RAB3C: variants seen among roughly 807,000 people sequenced by gnomAD.
RAB3C encodes RAB3C, member RAS oncogene family.
In RAB3C, 17 loss-of-function variants were observed where a neutral mutation model predicts 26.4. The observed-to-expected ratio is 0.64, with a 90% CI of 0.44 to 0.97. The LOEUF is 0.97. Among genes scored for constraint, RAB3C ranks in the 50% least tolerant of loss-of-function variants. The pLI is 0.00. For synonymous variants in RAB3C, 91 were observed against 95.9 expected (o/e 0.95, Z 0.30); for missense variants, 242 against 281.9 (o/e 0.86, Z 1.01).
At chr5:58,619,864 C>CT (rs36112075) in intron 2 of RAB3C, among the ~76,000 whole-genome samples, 31,412 of 147,642 alleles carry the variant, frequency 0.21, 3,494 homozygotes, top group South Asian at 0.29. Flanking sequence ...ATTCACTCAC[C>CT]TTTTTTTTTT....
chr5:58,796,466 A>C (rs1162585138), intron 3 of RAB3C, among the ~76,000 whole-genome samples: 4 of 152,330 alleles, frequency 2.6e-5, no homozygotes, highest in Non-Finnish European at 5.9e-5. Flanking sequence ...TAATTATTTA[A>C]TACAGAACCT....
chr5:58,596,388 A>T (rs1746249328), intron 1 of RAB3C, among the ~76,000 whole-genome samples: 1 of 146,170 alleles, frequency 6.8e-6, no homozygotes, highest in Non-Finnish European at 1.5e-5. Flanking sequence ...CTCTCTGTCT[A>T]TAAAGATTTT....
intron 3 of RAB3C, among the ~76,000 whole-genome samples, chr5:58,806,339 C>T (rs1000894841): frequency 6.6e-6 from 1 of 152,030 alleles, no homozygotes; most frequent in Non-Finnish European, 1.5e-5. Context: ...TAAATGGTAG[C>T]TATTGTTATT....
intron 2 of RAB3C, among the ~76,000 whole-genome samples, chr5:58,705,597 C>A (rs776420757): frequency 7.9e-5 from 12 of 152,036 alleles, no homozygotes; most frequent in Admixed American, 5.9e-4. Context: ...GAGAAATTTT[C>A]TTTTGAGGGA....
intron 2 of RAB3C, among the ~76,000 whole-genome samples, chr5:58,704,004 C>T (rs569123662): frequency 6.6e-6 from 1 of 152,204 alleles, no homozygotes; most frequent in South Asian, 2.1e-4. Context: ...ATGAAATGAC[C>T]TCTCACAAGT....
At chr5:58,615,640 A>G (rs1561267524) in intron 1 of RAB3C, among the ~76,000 whole-genome samples, 1 of 152,158 alleles carries the variant, frequency 6.6e-6, no homozygotes, top group Admixed American at 6.6e-5. Flanking sequence ...TGGGCCAAAA[A>G]AGAAAGTGAT....
intron 2 of RAB3C, among the ~76,000 whole-genome samples, chr5:58,713,345 T>G (rs955147509): frequency 5.9e-5 from 9 of 152,236 alleles, no homozygotes; most frequent in Non-Finnish European, 1.0e-4. Flanking sequence ...AAATCTGGGC[T>G]TTTGTGTAAA....
intron 1 of RAB3C, among the ~76,000 whole-genome samples, chr5:58,586,160 A>C (rs191657825): frequency 1.1e-4 from 17 of 152,202 alleles, no homozygotes; most frequent in Admixed American, 9.2e-4. Context: ...TATATACTAT[A>C]TAACAATCAT....
chr5:58,744,926 T>C (rs1561307762), intron 3 of RAB3C, among the ~76,000 whole-genome samples: 2 of 152,052 alleles, frequency 1.3e-5, no homozygotes, highest in Non-Finnish European at 2.9e-5. Flanking sequence ...TCAGGGGAAA[T>C]AAGACACGTA....
chr5:58,639,052 C>T (rs1004019171), intron 2 of RAB3C, among the ~76,000 whole-genome samples: 1 of 152,198 alleles, frequency 6.6e-6, no homozygotes, highest in African/African-American at 2.4e-5. Context: ...CACTGCCACT[C>T]TCACACTAAC....
At position 58,682,073 on chromosome 5, in the gene RAB3C, G is replaced by T. The variant is rs1250231189; in HGVS notation, c.253-43929G>T. On this transcript the variant is annotated intron_variant, in intron 2 of 4. Coordinates refer to ENST00000282878, the MANE Select transcript of RAB3C (RefSeq NM_138453.4). ...ATTATCAAGAAGTGATATGTCATGA[G>T]GAGAAACATTTGTATGGTTGAGGTG... Among the ~76,000 whole-genome samples the T allele has an allele frequency of 2.0e-5, 3 of 152,174 alleles. No individual in the cohort carries two copies. In the East Asian group the frequency reaches 5.8e-4, roughly 29 times the overall value.
intron 2 of RAB3C, among the ~76,000 whole-genome samples, chr5:58,657,141 A>G (rs1317880079): frequency 6.6e-6 from 1 of 152,160 alleles, no homozygotes; most frequent in Non-Finnish European, 1.5e-5. Context: ...GGAATGGAAA[A>G]CCAAACATTG....
intron 3 of RAB3C, among the ~76,000 whole-genome samples, chr5:58,821,518 C>A (rs899620910): frequency 7.9e-5 from 12 of 152,134 alleles, no homozygotes; most frequent in Admixed American, 5.2e-4. Flanking sequence ...ATTCTGTGTA[C>A]ATAAGATTAA....
chr5:58,835,583 T>C (rs562549474), intron 4 of RAB3C, among the ~76,000 whole-genome samples: 2 of 152,366 alleles, frequency 1.3e-5, no homozygotes, highest in South Asian at 4.1e-4. Flanking sequence ...ACTTCACCTT[T>C]GCTCCTTCTC....
At chr5:58,680,431 A>G (rs1352740196) in intron 2 of RAB3C, among the ~76,000 whole-genome samples, 1 of 152,260 alleles carries the variant, frequency 6.6e-6, no homozygotes, top group Non-Finnish European at 1.5e-5. Context: ...TATATGAAAC[A>G]AAAACAAAAA....
chr5:58,721,426 A>G (rs1449330748), intron 2 of RAB3C, among the ~76,000 whole-genome samples: 1 of 151,804 alleles, frequency 6.6e-6, no homozygotes, highest in African/African-American at 2.4e-5. Flanking sequence ...AGCATCAGCT[A>G]GGGAGAGGAA....
intron 2 of RAB3C, among the ~76,000 whole-genome samples, chr5:58,672,797 G>A (rs933890881): frequency 4.6e-5 from 7 of 152,122 alleles, no homozygotes; most frequent in Non-Finnish European, 1.0e-4. Flanking sequence ...TCTCTTTTAA[G>A]TCAGTGGGTA....
intron 3 of RAB3C, chr5:58,822,812 G>A: frequency 1.6e-6 from 1 of 611,302 alleles, no homozygotes; most frequent in East Asian, 3.8e-5. Context: ...ACATTATACT[G>A]GCCTGCCACT....
At chr5:58,688,917 T>A (rs1748503520) in intron 2 of RAB3C, among the ~76,000 whole-genome samples, 1 of 152,140 alleles carries the variant, frequency 6.6e-6, no homozygotes, top group Non-Finnish European at 1.5e-5. Context: ...AATAATTTGT[T>A]AACACTTGGT....
Sources: gnomAD v4.1 joint callset for allele counts (sites outside exome capture counted in the v4.1 genomes callset) on GRCh38, gnomAD v4.1.1 for gene constraint, MANE v1.5 for transcripts, NCBI Gene and HGNC (gene_info 2026-07-23, HGNC 2026-07-21) for gene names.